Variants in BRIX1 observed in about 807,000 individuals in gnomAD.
BRIX1 encodes biogenesis of ribosomes BRX1.
Under a neutral mutation model 44.0 loss-of-function variants are expected in BRIX1, and 15 were observed. The ratio of observed to expected loss-of-function variants is 0.34; its 90% CI spans 0.23 to 0.53. The LOEUF (loss-of-function observed/expected upper bound fraction) is 0.53. Among genes scored for constraint, BRIX1 ranks in the 20% least tolerant of loss-of-function variants. The probability of loss-of-function intolerance (pLI) is 0.95; values close to 1 mark genes in which losing one functional copy is unlikely to be tolerated. For synonymous variants in BRIX1, 149 were observed against 135.4 expected, an observed-to-expected ratio of 1.10 and a Z score of -0.70; for missense variants, 420 against 432.8, an observed-to-expected ratio of 0.97 and a Z score of 0.26.
Position 34,925,757 on chromosome 5 carries a change from AT to A in BRIX1, c.*267del. The A allele has an allele frequency of 6.1e-6, 2 of 328,154 alleles. No homozygotes were observed. Among genetic ancestry groups the A allele is most frequent in the South Asian group, 6.5e-5 (1 of 15,440 alleles). 20.3% of individuals were successfully genotyped at this position (328,154 alleles called of 1,614,324 possible). A position where few individuals can be genotyped will look rare whatever the true frequency, so the allele number is the denominator to read the frequency against. ...ATGTAGCCTGTTCTCTTGGGTTGGA[AT>A]TTTTGGTTTAGCAAAGCTGAAATTC... On this transcript the variant is annotated 3_prime_UTR_variant, in exon 10 of 10. Coordinates refer to ENST00000336767, the MANE Select transcript of BRIX1 (RefSeq NM_018321.4).
chr5:34,924,373 GT>G (rs2111988076), intron 8 of BRIX1, among the ~76,000 whole-genome samples: 1 of 152,300 alleles, frequency 6.6e-6, no homozygotes, highest in South Asian at 2.1e-4. Context: ...AATATTTGTT[GT>G]TCGGAAGTTG....
intron 2 of BRIX1, 47 bp downstream of exon 2, chr5:34,918,522 C>A: frequency 1.9e-6 from 2 of 1,079,830 alleles, no homozygotes; most frequent in Non-Finnish European, 2.6e-6. Flanking sequence ...ATAAACTTAC[C>A]TATTTTTATG....
In BRIX1 at chr5:34,922,243, A is replaced by G. The variant is rs1764255327; in HGVS notation, c.342A>G (p.Lys114=). The change falls in exon 4 of 10, where the codon AAA becomes AAG. Residue 114 remains lysine (K), a synonymous_variant. Coordinates refer to ENST00000336767, the MANE Select transcript of BRIX1 (RefSeq NM_018321.4). ...TTTGTGAAATGAAGAACTGTAATAA[A>G]TGCATCTATTTTGAAGCTAAGAAAA... is the stretch of plus-strand genomic sequence containing the variant. ...NEVCEMKNCN[K]CIYFEAKKKQ... is the part of the protein sequence containing the mutation. 6.3e-7 allele frequency: 1 copy of G among 1,589,664 alleles called. No individual in the cohort carries two copies. Among genetic ancestry groups the G allele is most frequent in the Non-Finnish European group, 8.6e-7 (1 of 1,161,722 alleles).
chr5:34,925,622 A>G lies in BRIX1; in HGVS notation c.*127A>G. 1 of 733,122 alleles carries G rather than the reference A, an allele frequency of 1.4e-6. No homozygotes were observed. Among genetic ancestry groups the G allele is most frequent in the Non-Finnish European group, 2.1e-6 (1 of 482,362 alleles). The allele number at this position is 733,122 out of a possible 1,614,324, so 45.4% of individuals were successfully genotyped here. On this transcript the variant is annotated 3_prime_UTR_variant, in exon 10 of 10. Transcript: ENST00000336767. ...TAGCATTTACAAGAAAGAAAAATTAAGATCTTAAAATCAGTGATTATCTTT... is the reference window on the plus strand; with the variant it reads ...TAGCATTTACAAGAAAGAAAAATTAGGATCTTAAAATCAGTGATTATCTTT...
chr5:34,925,110 C>T (rs540035133), intron 9 of BRIX1, 116 bp from the exon 10 acceptor site: 65 of 1,440,462 alleles, frequency 4.5e-5, no homozygotes, highest in Middle Eastern at 3.6e-4. Flanking sequence ...GGAAATTACT[C>T]CCTTTTTTCA....
chr5:34,925,764 G>T lies in BRIX1; in HGVS notation c.*269G>T. Reference sequence around the variant, plus strand: ...CTGTTCTCTTGGGTTGGAATTTTTGGTTTAGCAAAGCTGAAATTCAGACAT... The same window carrying T: ...CTGTTCTCTTGGGTTGGAATTTTTGTTTTAGCAAAGCTGAAATTCAGACAT... On this transcript the variant is annotated 3_prime_UTR_variant, in exon 10 of 10. Transcript: ENST00000336767. The T allele has an allele frequency of 3.2e-6, 1 of 309,186 alleles. No homozygotes were observed. Among genetic ancestry groups the T allele is most frequent in the Non-Finnish European group, 5.9e-6 (1 of 169,848 alleles). 19.2% of individuals were successfully genotyped at this position (309,186 alleles called of 1,614,324 possible).
At chr5:34,917,614 T>G (rs910708600) in intron 1 of BRIX1, among the ~76,000 whole-genome samples, 1 of 152,114 alleles carries the variant, frequency 6.6e-6, no homozygotes, top group Non-Finnish European at 1.5e-5. Flanking sequence ...CACTCCAGCC[T>G]GGGTGACAGA....
Position 34,925,330 on chromosome 5 carries a change from A to T in BRIX1, c.897A>T (p.Pro299=), listed in dbSNP as rs1424098017. 1 of 1,613,884 alleles carries T rather than the reference A, an allele frequency of 6.2e-7. No individual in the cohort carries two copies. The highest frequency in any genetic ancestry group is 8.5e-7 in the Non-Finnish European group (1 of 1,180,006). The change falls in exon 10 of 10, where the codon CCA becomes CCT. Residue 299 remains proline, a synonymous_variant. Transcript: ENST00000336767. ...LRKKEPKTLL[P]HDPTADVFVT... is the part of the protein sequence containing the mutation. ...AGAAAGAGCCGAAGACTCTTCTTCC[A>T]CATGATCCCACTGCAGATGTTTTTG... is the stretch of plus-strand genomic sequence containing the variant.
At position 34,924,850 on chromosome 5, in the gene BRIX1, A is replaced by G. The variant is rs779826304; in HGVS notation, c.667A>G (p.Ile223Val). 5.0e-6 allele frequency: 8 copies of G among 1,597,212 alleles called. No homozygotes were observed. Among genetic ancestry groups the G allele is most frequent in the Admixed American group, 1.7e-5 (1 of 59,546 alleles). Residue 223 changes from isoleucine to valine, a missense_variant, in exon 9 of 10, where the codon ATA becomes GTA. Physicochemically the swap from Ile to Val is conservative, Grantham distance 29 (BLOSUM62 3). Coordinates refer to ENST00000336767, the MANE Select transcript of BRIX1 (RefSeq NM_018321.4). The part of the protein sequence containing the change: ...NRIWFRNFQI[I>V]EEDAALVEIG... ...AAATGTTTCCTTTTTATTAAAGATC[A>G]TAGAAGAAGATGCTGCTCTTGTAGA...
intron 8 of BRIX1, among the ~76,000 whole-genome samples, chr5:34,923,569 C>T (rs2111985864): frequency 6.6e-6 from 1 of 152,310 alleles, no homozygotes; most frequent in African/African-American, 2.4e-5. Context: ...TGAGCCACTA[C>T]ACCCGGCCTA....
At chr5:34,923,682 C>T (rs1764290489) in intron 8 of BRIX1, among the ~76,000 whole-genome samples, 1 of 152,122 alleles carries the variant, frequency 6.6e-6, no homozygotes, top group Non-Finnish European at 1.5e-5. Context: ...GGTGGGATTG[C>T]AGTTGTGAGC....
At chr5:34,921,144 A>C (rs770633975) in intron 3 of BRIX1, 3 of 152,184 alleles carry the variant, frequency 2.0e-5, no homozygotes, top group Admixed American at 6.5e-5. Flanking sequence ...TCCAGCCATA[A>C]GTTGTTAGGT....
intron 1 of BRIX1, among the ~76,000 whole-genome samples, chr5:34,917,501 G>A (rs1165074042): frequency 1.3e-5 from 2 of 151,948 alleles, no homozygotes; most frequent in Non-Finnish European, 2.9e-5. Flanking sequence ...TCAGCCAGGT[G>A]CAGTGGCGGG....
intron 8 of BRIX1, 114 bp from the exon 9 acceptor site, chr5:34,924,733 T>G: frequency 1.6e-6 from 1 of 632,050 alleles, no homozygotes; most frequent in Non-Finnish European, 2.7e-6. Context: ...CACCCCCACC[T>G]TGATTTTATG....
chr5:34,925,066 G>T, intron 9 of BRIX1, 91 bp downstream of exon 9: 1 of 1,504,518 alleles, frequency 6.6e-7, no homozygotes, highest in African/African-American at 1.4e-5. Context: ...TATTACCTGT[G>T]AAACTGAATT....
chr5:34,922,110 C>A, intron 3 of BRIX1, 107 bp from the exon 4 acceptor site: 2 of 589,694 alleles, frequency 3.4e-6, no homozygotes, highest in Non-Finnish European at 5.9e-6. Flanking sequence ...AGCCTATTAG[C>A]CTGGTTAGGT....
chr5:34,917,588 C>T (rs1363943676), intron 1 of BRIX1, among the ~76,000 whole-genome samples: 1 of 151,854 alleles, frequency 6.6e-6, no homozygotes, highest in Non-Finnish European at 1.5e-5. Flanking sequence ...TGCAGTGAGC[C>T]GAGATCGCGC....
At chr5:34,916,294 A>G (rs1764088646) in intron 1 of BRIX1, 1 of 156,268 alleles carries the variant, frequency 6.4e-6, no homozygotes, top group Non-Finnish European at 1.4e-5. Context: ...AGCCACTCTC[A>G]GTCAGGGATC....
intron 8 of BRIX1, among the ~76,000 whole-genome samples, chr5:34,923,880 G>C (rs1247394088): frequency 6.6e-6 from 1 of 152,134 alleles, no homozygotes; most frequent in African/African-American, 2.4e-5. Flanking sequence ...ACTGTTAGTT[G>C]ATACAGAGTA....
Sources: gnomAD v4.1 joint callset for allele counts (sites outside exome capture counted in the v4.1 genomes callset) on GRCh38, gnomAD v4.1.1 for gene constraint, MANE v1.5 for transcripts, NCBI Gene and HGNC (gene_info 2026-07-23, HGNC 2026-07-21) for gene names.